BAZ2B: variants seen among roughly 807,000 people sequenced by gnomAD.
The protein encoded by BAZ2B is bromodomain adjacent to zinc finger domain protein 2B.
In BAZ2B, 91 loss-of-function variants were observed where a neutral mutation model predicts 246.0. The ratio of observed to expected loss-of-function variants is 0.37; its 90% CI spans 0.31 to 0.44. BAZ2B has a LOEUF of 0.44. BAZ2B is among the 20% of genes least tolerant of loss of function. BAZ2B has a pLI of 1.00. For synonymous variants in BAZ2B, 855 were observed against 860.0 expected (o/e 0.99, Z 0.10); for missense variants, 2,332 against 2,533.7 (o/e 0.92, Z 1.71).
chr2:159,649,257 C>A, the BAZ2B span, among the ~76,000 whole-genome samples: 1 of 151,776 alleles, frequency 6.6e-6, no homozygotes, highest in Non-Finnish European at 1.5e-5. Flanking sequence ...ATGAGGGGAG[C>A]CCTGAGCTTG....
intron 3 of BAZ2B, chr2:159,462,629 T>C (rs1453704538): frequency 1.1e-6 from 1 of 931,208 alleles, no homozygotes; most frequent in African/African-American, 1.6e-5. Flanking sequence ...TACATCTTTA[T>C]GACTAACCAA....
At chr2:159,323,468 A>C (rs2062999751) in intron 36 of BAZ2B, among the ~76,000 whole-genome samples, 1 of 152,042 alleles carries the variant, frequency 6.6e-6, no homozygotes, top group South Asian at 2.1e-4. Context: ...GTTAGTTATA[A>C]ATTTCATTGT....
chr2:159,430,670 A>G (rs1248282178), intron 10 of BAZ2B, among the ~76,000 whole-genome samples, 193 bp downstream of exon 10: 2 of 152,150 alleles, frequency 1.3e-5, no homozygotes, highest in Non-Finnish European at 2.9e-5. Flanking sequence ...CTTAAACTGG[A>G]AACTCGGGGG....
intron 3 of BAZ2B, among the ~76,000 whole-genome samples, chr2:159,468,198 C>A (rs554140941): frequency 6.6e-6 from 1 of 152,278 alleles, no homozygotes; most frequent in South Asian, 2.1e-4. Flanking sequence ...TATTTATTTA[C>A]TAAGTGCACT....
chr2:159,428,525 G>T, intron 11 of BAZ2B, 106 bp from the exon 12 acceptor site: 2 of 767,612 alleles, frequency 2.6e-6, no homozygotes, highest in Non-Finnish European at 3.9e-6. Context: ...CATAAAAAAT[G>T]AAAACAAAAA....
intron 21 of BAZ2B, 139 bp downstream of exon 21, chr2:159,389,206 A>G (rs2063028306): frequency 1.1e-6 from 1 of 880,522 alleles, no homozygotes; most frequent in South Asian, 2.5e-5. Context: ...GGAAAGGCAA[A>G]TTGACCTAGA....
At chr2:159,711,609 A>G in the BAZ2B span, among the ~76,000 whole-genome samples, 3 of 152,360 alleles carry the variant, frequency 2.0e-5, no homozygotes, top group South Asian at 6.2e-4. Flanking sequence ...TCAATAACTG[A>G]TCTTTTCCAT....
At chr2:159,460,497 TATATC>T (rs1387245805) in intron 3 of BAZ2B, 3 of 152,258 alleles carry the variant, frequency 2.0e-5, no homozygotes, top group Admixed American at 2.0e-4. Context: ...ACAAAATTGT[TATATC>T]ATGTCTTCAA....
rs143636177 is a variant in BAZ2B, at chr2:159,357,894, C to T, written c.4214-7537G>A. Among the ~76,000 whole-genome samples, 634 of 152,252 alleles carry T rather than the reference C, an allele frequency of 4.2e-3. 2 individuals are homozygous for T. The highest frequency in any genetic ancestry group is 0.015 in the African/African-American group (608 of 41,548). On this transcript the variant is annotated intron_variant, in intron 27 of 36. Transcript: ENST00000392783. ...TTCATAAGCGAAGGAGAAATAAAAT[C>T]CCTTACAGACAGGCAAATGCTGAGA...
At chr2:159,687,899 T>A in the BAZ2B span, among the ~76,000 whole-genome samples, 1 of 152,204 alleles carries the variant, frequency 6.6e-6, no homozygotes, top group African/African-American at 2.4e-5. Context: ...TGAATTGCAT[T>A]GGTGTCCACA....
In BAZ2B at chr2:159,495,484, C is replaced by CAA. The variant is rs56365046; in HGVS notation, c.-2-16765_-2-16764dup. On this transcript the variant is annotated intron_variant, in intron 2 of 36. Transcript: ENST00000392783. The stretch of plus-strand genomic sequence containing the variant: ...TGGGCGACAGAGCGAGACTCCGTCT[C>CAA]AAAAAAAAAAAAAAAAAAAAAAAAA... Among the ~76,000 whole-genome samples, 303 of 73,202 alleles carry CAA rather than the reference C, an allele frequency of 4.1e-3. 4 individuals carry two copies. Among genetic ancestry groups the CAA allele is most frequent in the African/African-American group, 9.8e-3 (150 of 15,254 alleles). The allele number at this position is 73,202 out of a possible 152,430, so 48.0% of individuals were successfully genotyped here.
At chr2:159,556,936 A>C (rs1405615686) in intron 1 of BAZ2B, among the ~76,000 whole-genome samples, 2 of 152,184 alleles carry the variant, frequency 1.3e-5, no homozygotes, top group Non-Finnish European at 2.9e-5. Context: ...TCCTTATTAT[A>C]GACTCCAGGA....
chr2:159,402,451 A>AAAAC (rs762106602), intron 16 of BAZ2B, among the ~76,000 whole-genome samples: 4 of 152,038 alleles, frequency 2.6e-5, no homozygotes, highest in Admixed American at 6.6e-5. Flanking sequence ...CTCTGTCTAA[A>AAAAC]AAACAAACAA....
intron 1 of BAZ2B, among the ~76,000 whole-genome samples, chr2:159,587,234 A>G (rs916863202): frequency 7.9e-5 from 12 of 152,118 alleles, no homozygotes; most frequent in Admixed American, 3.9e-4. Context: ...GCCTGCCACC[A>G]CGCCTGGCTA....
At position 159,460,280 on chromosome 2, in the gene BAZ2B, C is replaced by T. The variant is rs1389057122; in HGVS notation, c.146-6479G>A. The T allele has an allele frequency of 2.0e-5, 3 of 152,136 alleles. No homozygotes were observed. The East Asian group carries it at 5.8e-4, about 29-fold the overall frequency. The allele number at this position is 152,136 out of a possible 1,614,324, so 9.4% of individuals were successfully genotyped here. A position where few individuals can be genotyped will look rare whatever the true frequency, so the allele number is the denominator to read the frequency against. On this transcript the variant is annotated intron_variant, in intron 3 of 36. Coordinates refer to ENST00000392783, the MANE Select transcript of BAZ2B (RefSeq NM_013450.4). ...TTCCCCCTATCAGAATGAAATTGTA[C>T]TGAACTAATGCCTTGACTCTAAACT...
At chr2:159,709,297 G>A in the BAZ2B span, among the ~76,000 whole-genome samples, 19 of 151,702 alleles carry the variant, frequency 1.3e-4, no homozygotes, top group Non-Finnish European at 2.2e-4. Flanking sequence ...GCTGGGAAGA[G>A]TATGTGTGTG....
intron 26 of BAZ2B, among the ~76,000 whole-genome samples, chr2:159,374,191 TA>T (rs1248898650): frequency 6.6e-6 from 1 of 151,466 alleles, no homozygotes; most frequent in Non-Finnish European, 1.5e-5. Context: ...ATTACAGGCG[TA>T]AACCACTTCT....
intron 13 of BAZ2B, among the ~76,000 whole-genome samples, chr2:159,425,326 G>A (rs1451316273): frequency 6.6e-6 from 1 of 152,010 alleles, no homozygotes; most frequent in Non-Finnish European, 1.5e-5. Flanking sequence ...GACTACAGGT[G>A]CCCACCACCA....
chr2:159,544,807 C>T (rs1302400377), intron 2 of BAZ2B, among the ~76,000 whole-genome samples: 1 of 152,120 alleles, frequency 6.6e-6, no homozygotes, highest in Non-Finnish European at 1.5e-5. Flanking sequence ...ACAAAATCGT[C>T]AGTATATTTG....
Sources: allele counts gnomAD v4.1 joint callset (sites outside exome capture counted in the v4.1 genomes callset), GRCh38; gene constraint gnomAD v4.1.1; transcripts MANE v1.5; gene names NCBI Gene and HGNC (gene_info 2026-07-23, HGNC 2026-07-21).